The following RXFP1 variants were observed in gnomAD, a reference collection of about 807,000 sequenced individuals.
The protein encoded by RXFP1 is relaxin family peptide receptor 1, also known as relaxin receptor 1.
A neutral mutation model predicts 89.8 loss-of-function variants in RXFP1; 73 were observed. The ratio of observed to expected loss-of-function variants is 0.81; its 90% CI spans 0.67 to 0.99. The LOEUF (loss-of-function observed/expected upper bound fraction) is 0.99, where lower values mean the gene tolerates loss of function less well. Among genes scored for constraint, RXFP1 ranks in the 50% least tolerant of loss-of-function variants. The pLI is 0.00. For synonymous variants in RXFP1, 277 were observed against 305.5 expected (o/e 0.91, Z 0.97); for missense variants, 793 against 895.5 (o/e 0.89, Z 1.46).
chr4:158,606,810 T>C, intron 5 of RXFP1, among the ~76,000 whole-genome samples: 1 of 151,664 alleles, frequency 6.6e-6, no homozygotes, highest in East Asian at 1.9e-4. Flanking sequence ...GGCTGGTCTG[T>C]TTCAAATGAT....
At chr4:158,552,227 G>A (rs574990813) in intron 1 of RXFP1, among the ~76,000 whole-genome samples, 1 of 152,274 alleles carries the variant, frequency 6.6e-6, no homozygotes, top group South Asian at 2.1e-4. Context: ...CAATAAAACT[G>A]ACTGTTACCA....
intron 10 of RXFP1, 81 bp downstream of exon 10, chr4:158,626,972 A>C: frequency 1.5e-6 from 1 of 664,362 alleles, no homozygotes; most frequent in Non-Finnish European, 2.4e-6. Context: ...TATGGAAAAA[A>C]AATCCCAAAG....
chr4:158,610,898 C>T (rs1763462587), intron 6 of RXFP1, among the ~76,000 whole-genome samples: 1 of 152,092 alleles, frequency 6.6e-6, no homozygotes, highest in Non-Finnish European at 1.5e-5. Context: ...GAACAGATTC[C>T]TGGCAGGAGA....
At chr4:158,548,506 G>T (rs1431759232) in intron 1 of RXFP1, among the ~76,000 whole-genome samples, 2 of 152,142 alleles carry the variant, frequency 1.3e-5, no homozygotes, top group Non-Finnish European at 2.9e-5. Context: ...ATGTTAGCTG[G>T]TTATTTTGCT....
intron 2 of RXFP1, among the ~76,000 whole-genome samples, chr4:158,590,965 A>G (rs772903191): frequency 1.3e-5 from 2 of 152,160 alleles, no homozygotes; most frequent in Non-Finnish European, 1.5e-5. Context: ...TTCTGTCACA[A>G]CTGCTACTGC....
chr4:158,629,890 T>G (rs56108414), intron 11 of RXFP1, among the ~76,000 whole-genome samples: 33,814 of 151,970 alleles, frequency 0.22, 5,556 homozygotes, highest in African/African-American at 0.46. Flanking sequence ...TTCCCATACT[T>G]TTGGTATTAC....
chr4:158,572,149 G>T (rs1755210783), intron 1 of RXFP1, among the ~76,000 whole-genome samples: 1 of 152,134 alleles, frequency 6.6e-6, no homozygotes, highest in Admixed American at 6.5e-5. Context: ...CCTCTCTTGG[G>T]CCACCGGCTT....
chr4:158,632,994 A>AC (rs1327197210), intron 11 of RXFP1, among the ~76,000 whole-genome samples: 1 of 152,062 alleles, frequency 6.6e-6, no homozygotes, highest in African/African-American at 2.4e-5. Context: ...ACATAGTGAA[A>AC]CCCCGTCTCT....
intron 1 of RXFP1, among the ~76,000 whole-genome samples, chr4:158,563,063 C>G (rs1752828084): frequency 6.6e-6 from 1 of 152,208 alleles, no homozygotes; most frequent in Admixed American, 6.5e-5. Flanking sequence ...CGCATGTAGC[C>G]TATCCATCCT....
chr4:158,615,451 G>A (rs575240428), intron 8 of RXFP1, among the ~76,000 whole-genome samples: 70 of 151,900 alleles, frequency 4.6e-4, no homozygotes, highest in Non-Finnish European at 8.7e-4. Context: ...CAGGAGAATC[G>A]CTTGAACCTG....
At position 158,612,181 on chromosome 4, in the gene RXFP1, T is replaced by C. The variant is rs1305293431; in HGVS notation, c.588T>C (p.Asp196=). The C allele has an allele frequency of 6.2e-7, 1 of 1,612,018 alleles. No homozygotes were observed. Among genetic ancestry groups the C allele is most frequent in the South Asian group, 1.1e-5 (1 of 90,268 alleles). ...TCCTGAAGCCGGGTGTTTTTGAAGA[T>C]CTTCACAGACTAGAATGGCTGTATG... is the stretch of plus-strand genomic sequence containing the variant. The part of the protein sequence containing the change: ...ITFLKPGVFE[D]LHRLEWLIIE... The change falls in exon 7 of 18, where the codon GAT becomes GAC. Residue 196 remains aspartate, a synonymous_variant. Transcript: ENST00000307765.
intron 3 of RXFP1, 76 bp from the exon 4 acceptor site, chr4:158,599,250 C>G: frequency 6.3e-7 from 1 of 1,599,334 alleles, no homozygotes; most frequent in Non-Finnish European, 8.5e-7. Context: ...CATAGCTTTT[C>G]ATTTCTTTCT....
At chr4:158,614,540 T>C (rs1278391447) in intron 8 of RXFP1, among the ~76,000 whole-genome samples, 1 of 152,210 alleles carries the variant, frequency 6.6e-6, no homozygotes, top group Non-Finnish European at 1.5e-5. Context: ...TGAATCAACA[T>C]CTGCTAGCTT....
At chr4:158,627,167 G>A (rs1767020873) in intron 10 of RXFP1, among the ~76,000 whole-genome samples, 1 of 152,136 alleles carries the variant, frequency 6.6e-6, no homozygotes, top group Admixed American at 6.5e-5. Context: ...CCTTGAGGAT[G>A]TAATTATGGA....
At chr4:158,580,523 A>G (rs1401980071) in intron 2 of RXFP1, among the ~76,000 whole-genome samples, 3 of 152,214 alleles carry the variant, frequency 2.0e-5, no homozygotes, top group Non-Finnish European at 4.4e-5. Context: ...AACAAACAAC[A>G]GTAAGTAGAG....
intron 1 of RXFP1, among the ~76,000 whole-genome samples, chr4:158,547,054 A>C (rs927260126): frequency 2.0e-4 from 31 of 152,154 alleles, no homozygotes; most frequent in Admixed American, 2.6e-4. Flanking sequence ...CTCTGGTAGA[A>C]TTCGGCTGTG....
intron 1 of RXFP1, among the ~76,000 whole-genome samples, chr4:158,523,550 C>T (rs911996459): frequency 6.6e-6 from 1 of 152,142 alleles, no homozygotes; most frequent in African/African-American, 2.4e-5. Flanking sequence ...AATTTAACTT[C>T]TCTTTTGATT....
At chr4:158,558,282 A>G (rs972179876) in intron 1 of RXFP1, among the ~76,000 whole-genome samples, 1 of 152,214 alleles carries the variant, frequency 6.6e-6, no homozygotes, top group Non-Finnish European at 1.5e-5. Flanking sequence ...AAATGCACAC[A>G]CAGCCGGGAG....
At chr4:158,597,751 C>T (rs543636920) in intron 3 of RXFP1, among the ~76,000 whole-genome samples, 1 of 152,232 alleles carries the variant, frequency 6.6e-6, no homozygotes, top group South Asian at 2.1e-4. Context: ...CACTGCCCTC[C>T]GTTTCTGCCC....
Sources: gnomAD v4.1 joint callset for allele counts (sites outside exome capture counted in the v4.1 genomes callset) on GRCh38, gnomAD v4.1.1 for gene constraint, MANE v1.5 for transcripts, NCBI Gene and HGNC (gene_info 2026-07-23, HGNC 2026-07-21) for gene names.